OMA1: variants seen among roughly 807,000 people sequenced by gnomAD.
The protein encoded by OMA1 is OMA1 zinc metallopeptidase.
Under a neutral mutation model 30.9 loss-of-function variants are expected in OMA1, and 38 were observed. The observed-to-expected ratio is 1.23, with a 90% CI of 0.95 to 1.61. OMA1 has a LOEUF of 1.61. OMA1 is among the 40% of genes most tolerant of loss of function. OMA1 has a pLI of 0.00. For missense variants in OMA1, 461 were observed against 349.2 expected (o/e 1.32, Z -2.55); for synonymous variants, 173 against 121.9 (o/e 1.42, Z -2.76).
chr1:58,505,319 AT>A (rs1645970321), intron 8 of OMA1, among the ~76,000 whole-genome samples: 1 of 152,206 alleles, frequency 6.6e-6, no homozygotes, highest in South Asian at 2.1e-4. Flanking sequence ...TTGCTAAAAA[AT>A]GTTCCGCTTT....
chr1:58,513,677 T>C (rs1209061900), intron 7 of OMA1, among the ~76,000 whole-genome samples: 1 of 152,212 alleles, frequency 6.6e-6, no homozygotes, highest in Non-Finnish European at 1.5e-5. Flanking sequence ...GGGTTCAAAA[T>C]ACTGATTATT....
intron 7 of OMA1, among the ~76,000 whole-genome samples, chr1:58,516,113 T>C (rs1451313583): frequency 3.3e-5 from 5 of 152,330 alleles, no homozygotes; most frequent in South Asian, 2.1e-4. Context: ...CAGGCCACTA[T>C]AGGATATTTA....
intron 8 of OMA1, among the ~76,000 whole-genome samples, chr1:58,496,165 TAGA>T (rs1645798283): frequency 6.6e-6 from 1 of 151,704 alleles, no homozygotes; most frequent in East Asian, 2.0e-4. Context: ...TTCATTTTTT[TAGA>T]CTTTTTTTTT....
At chr1:58,505,988 A>C in intron 8 of OMA1, 72 bp downstream of exon 8, 1 of 766,322 alleles carries the variant, frequency 1.3e-6, no homozygotes, top group East Asian at 2.5e-5. Context: ...TTTACTAAGC[A>C]AAAGAAGTGA....
At chr1:58,517,024 G>C (rs1313409779) in intron 7 of OMA1, among the ~76,000 whole-genome samples, 2 of 152,118 alleles carry the variant, frequency 1.3e-5, no homozygotes, top group East Asian at 3.9e-4. Context: ...AAGGGAGTCT[G>C]ATGCATCAAG....
At chr1:58,520,815 A>C (rs1193884995) in intron 7 of OMA1, among the ~76,000 whole-genome samples, 1 of 152,160 alleles carries the variant, frequency 6.6e-6, no homozygotes, top group East Asian at 1.9e-4. Flanking sequence ...ACACGGCAAA[A>C]ATTAATAGCC....
At chr1:58,535,965 ACTGT>A (rs1646510036) in intron 3 of OMA1, among the ~76,000 whole-genome samples, 2 of 151,560 alleles carry the variant, frequency 1.3e-5, no homozygotes, top group Non-Finnish European at 2.9e-5. Context: ...ACTCTTACAT[ACTGT>A]GTTAGTATTT....
chr1:58,533,228 T>A (rs1646463891), intron 5 of OMA1, among the ~76,000 whole-genome samples: 2 of 152,224 alleles, frequency 1.3e-5, no homozygotes, highest in African/African-American at 2.4e-5. Flanking sequence ...TTCTATGATC[T>A]ATAAGAAAAG....
intron 7 of OMA1, among the ~76,000 whole-genome samples, chr1:58,518,016 G>A (rs548915966): frequency 1.0e-3 from 153 of 151,072 alleles, no homozygotes; most frequent in African/African-American, 3.5e-3. Context: ...GAGAAACCCC[G>A]TCTCAACTAA....
chr1:58,486,015 A>G (rs1313497572), intron 8 of OMA1, among the ~76,000 whole-genome samples: 1 of 152,212 alleles, frequency 6.6e-6, no homozygotes, highest in East Asian at 1.9e-4. Context: ...CAGCCTAAAG[A>G]CTACAACTAT....
intron 8 of OMA1, among the ~76,000 whole-genome samples, chr1:58,491,919 T>C (rs1285363592): frequency 6.6e-6 from 1 of 152,178 alleles, no homozygotes; most frequent in Non-Finnish European, 1.5e-5. Flanking sequence ...GTGGACCTAA[T>C]AGACATCTAC....
chr1:58,516,565 A>C (rs1646160828), intron 7 of OMA1, among the ~76,000 whole-genome samples: 2 of 152,308 alleles, frequency 1.3e-5, no homozygotes, highest in South Asian at 4.1e-4. Context: ...AAATTAAAAG[A>C]ACTCCTATAA....
intron 5 of OMA1, 85 bp from the exon 6 acceptor site, chr1:58,530,814 A>G (rs908304372): frequency 5.4e-6 from 4 of 744,132 alleles, no homozygotes; most frequent in Admixed American, 4.0e-5. Flanking sequence ...ATGTGTTACA[A>G]TTACCTGACC....
intron 8 of OMA1, among the ~76,000 whole-genome samples, chr1:58,485,551 T>C (rs1006485569): frequency 1.3e-5 from 2 of 152,140 alleles, no homozygotes; most frequent in African/African-American, 4.8e-5. Context: ...TATCAAATCT[T>C]CATCTACTTT....
At position 58,530,857 on chromosome 1, in the gene OMA1, T is replaced by C. The variant is rs115196859; in HGVS notation, c.1012-128A>G. On this transcript the variant is annotated intron_variant, in intron 5 of 8. Transcript: ENST00000371226. ...CCTAAGACTGAGAGTTCTCTTTTTC[T>C]TCTTTTGCTTATTCTTTCCGGGTCT... The C allele has an allele frequency of 6.7e-4, 406 of 602,642 alleles. 4 individuals carry two copies. In the African/African-American group the frequency reaches 6.8e-3, roughly 10 times the overall value. 37.3% of individuals were successfully genotyped at this position (602,642 alleles called of 1,614,324 possible).
chr1:58,481,565 A>T (rs75841045), intron 8 of OMA1, among the ~76,000 whole-genome samples: 2,321 of 152,304 alleles, frequency 0.015, 55 homozygotes, highest in African/African-American at 0.051. Flanking sequence ...AACATAGATG[A>T]CTGAATATAC....
At chr1:58,486,280 G>C (rs1412991791) in intron 8 of OMA1, among the ~76,000 whole-genome samples, 1 of 152,158 alleles carries the variant, frequency 6.6e-6, no homozygotes, top group Non-Finnish European at 1.5e-5. Context: ...TTTCACATAT[G>C]AAGAAAACTA....
chr1:58,536,751 A>G lies in OMA1; in HGVS notation c.501-10T>C. On this transcript the variant is annotated splice_polypyrimidine_tract_variant and intron_variant, in intron 2 of 8. Coordinates refer to ENST00000371226, the MANE Select transcript of OMA1 (RefSeq NM_145243.5). ...CCATTTCCTTATGCCCCTAAAGCAAAAAGAAAAATTCAAAGTTCTGAAAAT... is the reference window on the plus strand; with the variant it reads ...CCATTTCCTTATGCCCCTAAAGCAAGAAGAAAAATTCAAAGTTCTGAAAAT... 1 of 866,086 alleles carries G rather than the reference A, an allele frequency of 1.2e-6. No individual in the cohort carries two copies. Among genetic ancestry groups the G allele is most frequent in the Non-Finnish European group, 2.0e-6 (1 of 499,548 alleles). 53.7% of individuals were successfully genotyped at this position (866,086 alleles called of 1,614,324 possible).
At chr1:58,543,118 G>A (rs987961044) in intron 1 of OMA1, among the ~76,000 whole-genome samples, 8 of 152,102 alleles carry the variant, frequency 5.3e-5, no homozygotes, top group African/African-American at 1.4e-4. Context: ...TGAAACCATT[G>A]TACTTCCTAC....
Sources: gnomAD v4.1 joint callset for allele counts (sites outside exome capture counted in the v4.1 genomes callset) on GRCh38, gnomAD v4.1.1 for gene constraint, MANE v1.5 for transcripts, NCBI Gene and HGNC (gene_info 2026-07-23, HGNC 2026-07-21) for gene names.